Variants in TBKBP1 observed in about 807,000 individuals in gnomAD.
TBKBP1 encodes TANK-binding kinase 1-binding protein 1.
A neutral mutation model predicts 69.9 loss-of-function variants in TBKBP1; 47 were observed. The ratio of observed to expected loss-of-function variants is 0.67; its 90% CI spans 0.53 to 0.86. TBKBP1 has a LOEUF of 0.86. TBKBP1 is among the 40% of genes least tolerant of loss of function. The pLI is 0.00. For synonymous variants in TBKBP1, 418 were observed against 390.3 expected (o/e 1.07, Z -0.84); for missense variants, 831 against 858.6 (o/e 0.97, Z 0.40).
At chr17:47,709,552 C>G in intron 9 of TBKBP1, 100 bp downstream of exon 9, 1 of 1,383,412 alleles carries the variant, frequency 7.2e-7, no homozygotes, top group East Asian at 3.0e-5. Flanking sequence ...TTTCGGGTGT[C>G]AGCGCACAAA....
Position 47,699,424 on chromosome 17 carries a change from G to T in TBKBP1, c.739G>T (p.Glu247Ter). The change falls in exon 6 of 10, where the codon GAG becomes TAG. Residue 247 changes from glutamate (E) to a stop codon, truncating the protein, a stop_gained. Transcript: ENST00000578982. LOFTEE classifies it high-confidence loss of function. ...AGAGGCCCGGGGGGCTCAGCTCCGG[G>T]AGGAGCAGCTCCAGGCCGAGTGCGA... ...QGEARGAQLREEQLQAECERL... is the reference protein window; with the variant it reads ...QGEARGAQLR 6.4e-7 allele frequency: 1 copy of T among 1,569,774 alleles called. No individual in the cohort carries two copies. The highest frequency in any genetic ancestry group is 2.3e-5 in the East Asian group (1 of 44,228).
intron 9 of TBKBP1, among the ~76,000 whole-genome samples, chr17:47,710,234 G>A (rs1333837961): frequency 6.6e-6 from 1 of 152,206 alleles, no homozygotes; most frequent in African/African-American, 2.4e-5. Flanking sequence ...GGGCATGTCT[G>A]GGTCTTGGCT....
rs1451255438 is a variant in TBKBP1 at position 47,699,715 on chromosome 17, C to T, written c.872+18C>T. 6.2e-7 allele frequency: 1 copy of T among 1,613,882 alleles called. No individual in the cohort carries two copies. The highest frequency in any genetic ancestry group is 8.5e-7 in the Non-Finnish European group (1 of 1,179,836). ...GATGATCAGTAAGTCACATTGGTAA[C>T]CCTGGTCCCTCCGTGATGTTTGGGA... On this transcript the variant is annotated intron_variant, in intron 7 of 9. Transcript: ENST00000578982.
rs963717933 is a variant in TBKBP1, at chr17:47,710,895, C to T, written c.*269C>T. 5.3e-5 allele frequency: 19 copies of T among 361,824 alleles called. No homozygotes were observed. Among genetic ancestry groups the T allele is most frequent in the Non-Finnish European group, 9.1e-5 (18 of 197,388 alleles). The allele number at this position is 361,824 out of a possible 1,614,324, so 22.4% of individuals were successfully genotyped here. A position where few individuals can be genotyped will look rare whatever the true frequency, so the allele number is the denominator to read the frequency against. On this transcript the variant is annotated 3_prime_UTR_variant, in exon 10 of 10. Transcript: ENST00000578982. ...TTGGGCTGGGATGGGGACGGCATAC[C>T]CCTCCCAGGCCTCTCCCTCTGCCTT...
chr17:47,701,087 G>A (rs922026071), intron 7 of TBKBP1, among the ~76,000 whole-genome samples: 2 of 152,148 alleles, frequency 1.3e-5, no homozygotes, highest in Admixed American at 6.5e-5. Context: ...CCGGGGCTCC[G>A]GAGGTCTCCT....
intron 7 of TBKBP1, 121 bp downstream of exon 7, chr17:47,699,818 G>A (rs2031418717): frequency 4.3e-6 from 5 of 1,157,736 alleles, no homozygotes; most frequent in Non-Finnish European, 6.3e-6. Flanking sequence ...GGAAGGAGGT[G>A]GGGTTCTTTT....
chr17:47,703,477 C>T (rs928682068), intron 7 of TBKBP1, among the ~76,000 whole-genome samples: 3 of 152,228 alleles, frequency 2.0e-5, no homozygotes, highest in Non-Finnish European at 4.4e-5. Context: ...GCGCTGCACT[C>T]ACAGGAGTTA....
chr17:47,699,159 A>T (rs1385358845), intron 5 of TBKBP1, among the ~76,000 whole-genome samples, 161 bp from the exon 6 acceptor site: 1 of 152,184 alleles, frequency 6.6e-6, no homozygotes, highest in Non-Finnish European at 1.5e-5. Context: ...AATGCGGCTC[A>T]GCCCATCTTT....
At chr17:47,696,375 TG>T in intron 2 of TBKBP1, 38 bp downstream of exon 2, 3 of 1,595,100 alleles carry the variant, frequency 1.9e-6, no homozygotes. Flanking sequence ...ATAGAGTGTA[TG>T]GGATGGGGAG....
At chr17:47,706,020 A>G (rs974994516) in intron 7 of TBKBP1, among the ~76,000 whole-genome samples, 61 of 152,110 alleles carry the variant, frequency 4.0e-4, no homozygotes, top group African/African-American at 1.4e-3. Context: ...GCTGGGTGGT[A>G]GAAACTGGGG....
Position 47,710,753 on chromosome 17 carries a change from A to T in TBKBP1, c.*127A>T. 1.5e-6 allele frequency: 2 copies of T among 1,352,576 alleles called. No homozygotes were observed. The allele number at this position is 1,352,576 out of a possible 1,614,324, so 83.8% of individuals were successfully genotyped here. Reference sequence around the variant, plus strand: ...CGACCCCCAGATACCTCCACTTGCTACCGAGTCAACGTGTGTGCCATCTTC... The same window carrying T: ...CGACCCCCAGATACCTCCACTTGCTTCCGAGTCAACGTGTGTGCCATCTTC... On this transcript the variant is annotated 3_prime_UTR_variant, in exon 10 of 10. Coordinates refer to ENST00000578982, the MANE Select transcript of TBKBP1 (RefSeq NM_001394755.1).
Position 47,699,305 on chromosome 17 carries a change from C to G in TBKBP1, c.635-15C>G. 6.6e-7 allele frequency: 1 copy of G among 1,511,578 alleles called. No homozygotes were observed. Among genetic ancestry groups the G allele is most frequent in the South Asian group, 1.3e-5 (1 of 74,926 alleles). The allele number at this position is 1,511,578 out of a possible 1,614,324, so 93.6% of individuals were successfully genotyped here. The stretch of plus-strand genomic sequence containing the variant: ...GGCAGCTGAGCTCGCCTGACGTTGT[C>G]CTGTCCACCGACAGCAGGCTGGCCG... On this transcript the variant is annotated splice_polypyrimidine_tract_variant and intron_variant, in intron 5 of 9. Coordinates refer to ENST00000578982, the MANE Select transcript of TBKBP1 (RefSeq NM_001394755.1).
intron 7 of TBKBP1, among the ~76,000 whole-genome samples, chr17:47,705,784 G>A (rs1167922876): frequency 1.3e-5 from 2 of 152,244 alleles, no homozygotes; most frequent in Admixed American, 6.5e-5. Context: ...CCAATGAAGG[G>A]GGAGGTCCCA....
chr17:47,699,583 A>G, intron 6 of TBKBP1, 53 bp from the exon 7 acceptor site: 2 of 1,613,848 alleles, frequency 1.2e-6, no homozygotes, highest in South Asian at 2.2e-5. Context: ...ACTGTAGACA[A>G]GGGCCCTGGC....
At chr17:47,698,450 AGAG>A in intron 4 of TBKBP1, 142 bp from the exon 5 acceptor site, 2 of 828,710 alleles carry the variant, frequency 2.4e-6, no homozygotes, top group African/African-American at 1.7e-5. Context: ...GCGGTGGCTG[AGAG>A]GAGACTTTGC....
At chr17:47,701,597 C>T (rs903164404) in intron 7 of TBKBP1, among the ~76,000 whole-genome samples, 1 of 152,150 alleles carries the variant, frequency 6.6e-6, no homozygotes. Context: ...TGGACTCTAC[C>T]TCTCTGGATC....
chr17:47,709,559 C>T, intron 9 of TBKBP1, 107 bp downstream of exon 9: 3 of 1,373,066 alleles, frequency 2.2e-6, no homozygotes, highest in Non-Finnish European at 2.8e-6. Flanking sequence ...TGTCAGCGCA[C>T]AAACTATTCA....
intron 7 of TBKBP1, among the ~76,000 whole-genome samples, chr17:47,701,774 G>A (rs1165948138): frequency 1.3e-5 from 2 of 152,222 alleles, no homozygotes; most frequent in Admixed American, 6.5e-5. Flanking sequence ...TATCATCCAC[G>A]CTGCCCATTC....
intron 5 of TBKBP1, 30 bp downstream of exon 5, chr17:47,698,805 C>G: frequency 6.6e-7 from 1 of 1,508,062 alleles, no homozygotes; most frequent in African/African-American, 1.4e-5. Flanking sequence ...GACTTACCTC[C>G]TAGTCCCCAA....
Sources: allele counts gnomAD v4.1 joint callset (sites outside exome capture counted in the v4.1 genomes callset), GRCh38; gene constraint gnomAD v4.1.1; transcripts MANE v1.5; gene names NCBI Gene and HGNC (gene_info 2026-07-23, HGNC 2026-07-21).